PABPC4L: variants seen among roughly 807,000 people sequenced by gnomAD.
The protein encoded by PABPC4L is polyadenylate-binding protein 4-like.
For missense variants in PABPC4L, 452 were observed against 451.4 expected (o/e 1.00, Z -0.01); for synonymous variants, 169 against 164.1 (o/e 1.03, Z -0.23).
chr4:134,031,332 T>C, the PABPC4L span, among the ~76,000 whole-genome samples: 3 of 152,050 alleles, frequency 2.0e-5, no homozygotes, highest in African/African-American at 7.2e-5. Context: ...ACTAAAATAG[T>C]ATTTATTTGT....
the PABPC4L span, among the ~76,000 whole-genome samples, chr4:134,075,963 G>A: frequency 6.6e-6 from 1 of 151,130 alleles, no homozygotes; most frequent in Non-Finnish European, 1.5e-5. Flanking sequence ...CAGGAAATAA[G>A]TAAAGTAAAT....
chr4:134,160,535 A>G, the PABPC4L span, among the ~76,000 whole-genome samples: 4 of 152,208 alleles, frequency 2.6e-5, no homozygotes, highest in African/African-American at 9.6e-5. Context: ...ATTGTAATAA[A>G]TGCCTGATTC....
chr4:134,118,433 T>A, the PABPC4L span, among the ~76,000 whole-genome samples: 1 of 151,852 alleles, frequency 6.6e-6, no homozygotes, highest in Non-Finnish European at 1.5e-5. Flanking sequence ...CAATATAAAA[T>A]GTAATTTTAT....
rs1333293489 is a variant in PABPC4L, at chr4:134,199,984, T to C, written c.1036A>G (p.Thr346Ala). ...CCATTCATCTCAGTCATTGCTTTAG[T>C]AGCATCCTCAGGAGAGGAGAAGCAG... The part of the protein sequence containing the change: ...LICFSSPEDA[T>A]KAMTEMNGRI... The change falls in exon 2 of 2, where the codon ACT (threonine) becomes GCT (alanine). Residue 346 changes from threonine to alanine, a missense_variant. Thr to Ala is a moderately conservative substitution (Grantham distance 58, BLOSUM62 0). Coordinates refer to ENST00000421491, the MANE Select transcript of PABPC4L (RefSeq NM_001114734.2). The C allele has an allele frequency of 1.2e-5, 18 of 1,551,676 alleles. No individual in the cohort carries two copies. Among genetic ancestry groups the C allele is most frequent in the East Asian group, 2.4e-5 (1 of 40,922 alleles).
chr4:134,042,344 G>A, the PABPC4L span, among the ~76,000 whole-genome samples: 2 of 151,950 alleles, frequency 1.3e-5, no homozygotes, highest in African/African-American at 2.4e-5. Context: ...TGGATACAAC[G>A]GTCACTACTC....
the PABPC4L span, among the ~76,000 whole-genome samples, chr4:134,007,275 T>G: frequency 6.6e-6 from 1 of 151,900 alleles, no homozygotes; most frequent in Non-Finnish European, 1.5e-5. Context: ...TTGAAAGTTT[T>G]TATCTAATTC....
the PABPC4L span, among the ~76,000 whole-genome samples, chr4:134,111,681 A>G: frequency 3.9e-5 from 6 of 151,948 alleles, no homozygotes; most frequent in South Asian, 1.2e-3. Flanking sequence ...GTGATCGTTA[A>G]TAAGTCTCAT....
At chr4:134,008,477 A>T in the PABPC4L span, among the ~76,000 whole-genome samples, 5 of 151,720 alleles carry the variant, frequency 3.3e-5, no homozygotes, top group African/African-American at 1.2e-4. Context: ...AACCTAAATA[A>T]CTCAGAAGGT....
chr4:133,970,216 G>A, the PABPC4L span, among the ~76,000 whole-genome samples: 2 of 151,768 alleles, frequency 1.3e-5, no homozygotes, highest in African/African-American at 2.4e-5. Context: ...TTCGACAAAA[G>A]TGACTCCACA....
chr4:134,190,422 GCTTT>G, the PABPC4L span, among the ~76,000 whole-genome samples: 1 of 151,642 alleles, frequency 6.6e-6, no homozygotes, highest in Non-Finnish European at 1.5e-5. Context: ...GTGGTTTGGG[GCTTT>G]CTTTTTTCTA....
chr4:134,167,857 G>A, the PABPC4L span, among the ~76,000 whole-genome samples: 54 of 152,114 alleles, frequency 3.5e-4, no homozygotes, highest in African/African-American at 1.3e-3. Context: ...CTTCAACACT[G>A]TACTTTCAGC....
the PABPC4L span, among the ~76,000 whole-genome samples, chr4:134,165,719 C>T: frequency 1.4e-4 from 22 of 152,256 alleles, no homozygotes; most frequent in South Asian, 1.2e-3. Context: ...CTATGGAAAG[C>T]AGTTTGGAGG....
At chr4:134,108,835 A>T in the PABPC4L span, among the ~76,000 whole-genome samples, 13 of 152,070 alleles carry the variant, frequency 8.5e-5, no homozygotes, top group African/African-American at 2.9e-4. Context: ...TTGTACAAAT[A>T]TAAAGACAGT....
At chr4:134,145,172 CCTAT>C in the PABPC4L span, among the ~76,000 whole-genome samples, 1 of 151,642 alleles carries the variant, frequency 6.6e-6, no homozygotes, top group Admixed American at 6.6e-5. Context: ...ACTTGATGAG[CCTAT>C]CTGACAGTCA....
chr4:134,184,069 ACT>A, the PABPC4L span, among the ~76,000 whole-genome samples: 1 of 151,772 alleles, frequency 6.6e-6, no homozygotes, highest in East Asian at 1.9e-4. Flanking sequence ...GAAGATTCCC[ACT>A]CTCTGAAATG....
At chr4:134,035,638 A>G in the PABPC4L span, among the ~76,000 whole-genome samples, 2 of 152,142 alleles carry the variant, frequency 1.3e-5, no homozygotes, top group Admixed American at 1.3e-4. Context: ...TAAAGTAAGA[A>G]GATTTCCAAC....
the PABPC4L span, among the ~76,000 whole-genome samples, chr4:134,106,209 CACTT>C: frequency 2.6e-5 from 4 of 151,626 alleles, no homozygotes; most frequent in Non-Finnish European, 5.9e-5. Context: ...AATTCTTACT[CACTT>C]ACCCTGACTA....
downstream of PABPC4L, among the ~76,000 whole-genome samples, chr4:134,192,424 T>C (rs1168053483): frequency 6.6e-6 from 1 of 152,094 alleles, no homozygotes; most frequent in African/African-American, 2.4e-5. Context: ...AGTTTTGTTG[T>C]GAGGTGATGG....
At chr4:134,123,660 C>T in the PABPC4L span, among the ~76,000 whole-genome samples, 2 of 151,954 alleles carry the variant, frequency 1.3e-5, no homozygotes, top group African/African-American at 4.8e-5. Context: ...AAGGCAAATA[C>T]AGAGCGAGAG....
Sources: allele counts gnomAD v4.1 joint callset (sites outside exome capture counted in the v4.1 genomes callset), GRCh38; gene constraint gnomAD v4.1.1; transcripts MANE v1.5; gene names NCBI Gene and HGNC (gene_info 2026-07-23, HGNC 2026-07-21).